DPY19L1: variants seen among roughly 807,000 people sequenced by gnomAD.
DPY19L1 encodes protein C-mannosyl-transferase DPY19L1.
DPY19L1 carries 35 observed loss-of-function variants against 96.9 expected under a neutral mutation model. The observed-to-expected ratio is 0.36, with a 90% CI of 0.28 to 0.48. The LOEUF (loss-of-function observed/expected upper bound fraction) is 0.48, where lower values mean the gene tolerates loss of function less well. Among genes scored for constraint, DPY19L1 ranks in the 20% least tolerant of loss-of-function variants. The pLI is 0.99. For synonymous variants in DPY19L1, 205 were observed against 252.6 expected (o/e 0.81, Z 1.79); for missense variants, 521 against 777.9 (o/e 0.67, Z 3.93).
chr7:34,936,588 TC>T (rs1431315474), intron 21 of DPY19L1, among the ~76,000 whole-genome samples: 1 of 152,204 alleles, frequency 6.6e-6, no homozygotes, highest in Non-Finnish European at 1.5e-5. Flanking sequence ...CCTAAGATCG[TC>T]ATGAGATGCT....
At chr7:34,959,664 T>A (rs1405887031) in intron 10 of DPY19L1, among the ~76,000 whole-genome samples, 1 of 142,132 alleles carries the variant, frequency 7.0e-6, no homozygotes, top group South Asian at 2.1e-4. Context: ...AGTTGAACAA[T>A]GAGAACACAT....
chr7:35,011,316 A>G lies in DPY19L1; in HGVS notation c.670+14T>C, dbSNP rs1785705766. 6.2e-7 allele frequency: 1 copy of G among 1,610,692 alleles called. No individual in the cohort carries two copies. Among genetic ancestry groups the G allele is most frequent in the African/African-American group, 1.3e-5 (1 of 74,856 alleles). On this transcript the variant is annotated intron_variant, in intron 5 of 21. Transcript: ENST00000638088. ...ACAACAGATAACTGGACAATATTACAGAAAGAAACTTACCTTCACAGCTTT... is the reference window on the plus strand; with the variant it reads ...ACAACAGATAACTGGACAATATTACGGAAAGAAACTTACCTTCACAGCTTT...
At chr7:34,945,851 C>T in intron 15 of DPY19L1, 135 bp from the exon 16 acceptor site, 1 of 661,192 alleles carries the variant, frequency 1.5e-6, no homozygotes, top group Non-Finnish European at 2.7e-6. Context: ...ATAATAATCA[C>T]AACAACATAA....
chr7:34,988,303 T>G (rs1785092891), intron 7 of DPY19L1: 1 of 152,108 alleles, frequency 6.6e-6, no homozygotes, highest in Non-Finnish European at 1.5e-5. Context: ...ACACAATGCT[T>G]CTTTCTTCCA....
intron 9 of DPY19L1, among the ~76,000 whole-genome samples, chr7:34,967,417 T>C (rs4723392): frequency 0.2 from 29,926 of 152,126 alleles, 3,326 homozygotes; most frequent in Admixed American, 0.36. Context: ...CTAGTCACTC[T>C]TTACAAGTAT....
chr7:34,975,308 C>T (rs969930764), intron 7 of DPY19L1, among the ~76,000 whole-genome samples: 9 of 152,170 alleles, frequency 5.9e-5, no homozygotes, highest in South Asian at 2.1e-4. Flanking sequence ...ATTGCTGATA[C>T]GCAGACAGTT....
intron 10 of DPY19L1, among the ~76,000 whole-genome samples, chr7:34,961,963 A>G (rs1308320857): frequency 6.6e-6 from 1 of 152,162 alleles, no homozygotes; most frequent in African/African-American, 2.4e-5. Flanking sequence ...GCTGACAAGG[A>G]TGTGGAGCAG....
intron 13 of DPY19L1, 117 bp downstream of exon 13, chr7:34,954,581 G>A: frequency 1.7e-6 from 1 of 575,168 alleles, no homozygotes; most frequent in Non-Finnish European, 3.0e-6. Context: ...TAAAATAATA[G>A]GTGAACAGAC....
At chr7:34,952,549 T>C (rs1211649909) in intron 13 of DPY19L1, among the ~76,000 whole-genome samples, 9 of 152,122 alleles carry the variant, frequency 5.9e-5, no homozygotes, top group African/African-American at 2.2e-4. Context: ...GAGATGACAT[T>C]ACCCTGAAAC....
At chr7:35,025,076 A>G (rs1205139394) in intron 1 of DPY19L1, among the ~76,000 whole-genome samples, 1 of 152,226 alleles carries the variant, frequency 6.6e-6, no homozygotes, top group African/African-American at 2.4e-5. Context: ...TTATATATAC[A>G]ATACAATTAA....
At chr7:34,971,736 C>G (rs1309593644) in intron 8 of DPY19L1, among the ~76,000 whole-genome samples, 1 of 152,168 alleles carries the variant, frequency 6.6e-6, no homozygotes. Flanking sequence ...GTCACAGAAG[C>G]ACCTGGAGCC....
intron 8 of DPY19L1, among the ~76,000 whole-genome samples, chr7:34,972,035 G>A (rs1227594054): frequency 6.6e-6 from 1 of 152,206 alleles, no homozygotes; most frequent in Admixed American, 6.5e-5. Context: ...GAGAAGGTTG[G>A]AGTGAACTGA....
intron 10 of DPY19L1, among the ~76,000 whole-genome samples, chr7:34,962,656 C>G (rs1447440785): frequency 1.3e-5 from 2 of 151,986 alleles, no homozygotes; most frequent in Admixed American, 6.6e-5. Flanking sequence ...ATATTTGCAC[C>G]ACTGAACTCC....
chr7:34,973,500 TAAGTCA>T lies in DPY19L1; in HGVS notation c.914+8_914+13del, dbSNP rs1359071763. The T allele has an allele frequency of 1.4e-6, 2 of 1,477,866 alleles. No homozygotes were observed. The highest frequency in any genetic ancestry group is 1.8e-6 in the Non-Finnish European group (2 of 1,110,284). 91.5% of individuals were successfully genotyped at this position (1,477,866 alleles called of 1,614,324 possible). A position where few individuals can be genotyped will look rare whatever the true frequency, so the allele number is the denominator to read the frequency against. Reference sequence around the variant, plus strand: ...TATTTAATGCAAAAAGAAATAAGGTTAAGTCAAAGTTACCTGAGAATATGAGTCACT... The same window carrying T: ...TATTTAATGCAAAAAGAAATAAGGTTAAGTTACCTGAGAATATGAGTCACT... On this transcript the variant is annotated splice_region_variant and intron_variant, in intron 8 of 21. Transcript: ENST00000638088.
chr7:34,949,601 T>A (rs1363803529), intron 14 of DPY19L1, among the ~76,000 whole-genome samples, 196 bp downstream of exon 14: 2 of 152,180 alleles, frequency 1.3e-5, no homozygotes. Context: ...TTCTAAATTA[T>A]CAAAATGAGT....
At chr7:35,033,076 C>T (rs1235832291) in intron 1 of DPY19L1, among the ~76,000 whole-genome samples, 1 of 152,200 alleles carries the variant, frequency 6.6e-6, no homozygotes, top group Non-Finnish European at 1.5e-5. Context: ...TCCTCAATGG[C>T]TTCCTGTTGC....
At chr7:34,950,752 T>C (rs1784251972) in intron 13 of DPY19L1, among the ~76,000 whole-genome samples, 1 of 152,060 alleles carries the variant, frequency 6.6e-6, no homozygotes, top group African/African-American at 2.4e-5. Flanking sequence ...AAGAAATCAA[T>C]AGGAAGAATA....
At chr7:35,036,707 G>A (rs1367611244) in intron 1 of DPY19L1, among the ~76,000 whole-genome samples, 1 of 152,102 alleles carries the variant, frequency 6.6e-6, no homozygotes, top group East Asian at 1.9e-4. Flanking sequence ...TCGTTTCCAA[G>A]CCAAAGCAAA....
At chr7:34,952,165 C>T (rs1347167586) in intron 13 of DPY19L1, among the ~76,000 whole-genome samples, 3 of 148,448 alleles carry the variant, frequency 2.0e-5, no homozygotes, top group Middle Eastern at 3.5e-3. Flanking sequence ...AATAGAAGAC[C>T]AATATTAATT....
Sources: allele counts gnomAD v4.1 joint callset (sites outside exome capture counted in the v4.1 genomes callset), GRCh38; gene constraint gnomAD v4.1.1; transcripts MANE v1.5; gene names NCBI Gene and HGNC (gene_info 2026-07-23, HGNC 2026-07-21).